CHORDC1: variants seen among roughly 807,000 people sequenced by gnomAD.
The protein encoded by CHORDC1 is cysteine and histidine rich domain containing 1.
CHORDC1 carries 25 observed loss-of-function variants against 48.3 expected under a neutral mutation model. The observed-to-expected ratio is 0.52, with a 90% CI of 0.38 to 0.72. The LOEUF is 0.72. CHORDC1 is among the 30% of genes least tolerant of loss of function. CHORDC1 has a pLI of 0.00. For synonymous variants in CHORDC1, 128 were observed against 126.4 expected (o/e 1.01, Z -0.09); for missense variants, 317 against 388.7 (o/e 0.82, Z 1.55).
intron 1 of CHORDC1, 23 bp downstream of exon 1, chr11:90,222,868 G>C: frequency 6.2e-7 from 1 of 1,609,808 alleles, no homozygotes; most frequent in Non-Finnish European, 8.5e-7. Flanking sequence ...GGGGAGGGAG[G>C]GCTGGCGGCG....
rs1192707119 is a variant in CHORDC1 at position 90,203,543 on chromosome 11, T to C, written c.670-116A>G. The C allele has an allele frequency of 1.2e-5, 11 of 884,490 alleles. No homozygotes were observed. In the Admixed American group the frequency reaches 1.4e-4, roughly 11 times the overall value. 54.8% of individuals were successfully genotyped at this position (884,490 alleles called of 1,614,324 possible). A position where few individuals can be genotyped will look rare whatever the true frequency, so the allele number is the denominator to read the frequency against. ...CCATGCACAACAACTAAGCACTTAA[T>C]GTTTAAGGGCAAAAAACTTCTATAT... On this transcript the variant is annotated intron_variant, in intron 8 of 10. Coordinates refer to ENST00000320585, the MANE Select transcript of CHORDC1 (RefSeq NM_012124.3).
At chr11:90,204,951 C>T (rs1229911393) in intron 8 of CHORDC1, among the ~76,000 whole-genome samples, 1 of 151,576 alleles carries the variant, frequency 6.6e-6, no homozygotes, top group African/African-American at 2.4e-5. Context: ...CTTTTTTCCC[C>T]CCTTTTGATA....
At chr11:90,204,102 T>C (rs1857608639) in intron 8 of CHORDC1, among the ~76,000 whole-genome samples, 1 of 152,166 alleles carries the variant, frequency 6.6e-6, no homozygotes, top group Admixed American at 6.5e-5. Flanking sequence ...TAAAAGGTAC[T>C]ATTTTCGTTT....
chr11:90,208,975 A>G (rs752854817), intron 6 of CHORDC1: 7 of 152,172 alleles, frequency 4.6e-5, no homozygotes, highest in Admixed American at 2.0e-4. Context: ...GTACCATTAC[A>G]TAATTTTCTC....
chr11:90,219,674 G>C (rs763005209), intron 1 of CHORDC1, among the ~76,000 whole-genome samples: 2 of 152,142 alleles, frequency 1.3e-5, no homozygotes, highest in African/African-American at 4.8e-5. Context: ...TTTATTTCCC[G>C]TAAGGAATAC....
At position 90,210,605 on chromosome 11, in the gene CHORDC1, GA is replaced by G. The variant is rs535554925; in HGVS notation, c.434-12del. 1.3e-4 allele frequency: 187 copies of G among 1,490,098 alleles called. No homozygotes were observed. In the East Asian group the frequency reaches 2.0e-3, roughly 16 times the overall value. The allele number at this position is 1,490,098 out of a possible 1,614,324, so 92.3% of individuals were successfully genotyped here. ...CATCATTGTCTTCTTCTGTAACAAA[GA>G]AAAAAAAATCAAATTAAAAAGTTAA... On this transcript the variant is annotated splice_polypyrimidine_tract_variant and intron_variant, in intron 5 of 10. Transcript: ENST00000320585.
chr11:90,213,986 G>A (rs1477843691), intron 4 of CHORDC1, 32 bp downstream of exon 4: 2 of 1,555,378 alleles, frequency 1.3e-6, no homozygotes, highest in Non-Finnish European at 8.7e-7. Context: ...CTATTCAAGT[G>A]TGACAAAAAT....
At chr11:90,213,973 C>A in intron 4 of CHORDC1, 45 bp downstream of exon 4, 1 of 1,467,112 alleles carries the variant, frequency 6.8e-7, no homozygotes, top group South Asian at 1.3e-5. Flanking sequence ...TGCACAAGTG[C>A]TACTATTCAA....
chr11:90,214,872 G>A (rs1565171658), intron 3 of CHORDC1, among the ~76,000 whole-genome samples: 3 of 151,942 alleles, frequency 2.0e-5, no homozygotes, highest in South Asian at 2.1e-4. Context: ...AAACTTTATC[G>A]TTCCTAACTG....
intron 1 of CHORDC1, among the ~76,000 whole-genome samples, chr11:90,221,055 A>C (rs11018924): frequency 2.4e-4 from 36 of 151,936 alleles, no homozygotes; most frequent in African/African-American, 8.4e-4. Flanking sequence ...TCATGAGACT[A>C]TAAGTCAACG....
intron 1 of CHORDC1, among the ~76,000 whole-genome samples, chr11:90,219,375 A>G (rs1171363061): frequency 1.3e-5 from 2 of 152,174 alleles, no homozygotes; most frequent in Non-Finnish European, 2.9e-5. Flanking sequence ...TACTTCTCTT[A>G]TGTAAATGGG....
chr11:90,215,718 C>A (rs754928430), intron 2 of CHORDC1, among the ~76,000 whole-genome samples: 1 of 151,860 alleles, frequency 6.6e-6, no homozygotes, highest in Non-Finnish European at 1.5e-5. Context: ...CACTATTAAG[C>A]CTTTGAAGGT....
intron 8 of CHORDC1, 134 bp from the exon 9 acceptor site, chr11:90,203,561 T>C (rs1451503783): frequency 1.6e-6 from 1 of 636,510 alleles, no homozygotes; most frequent in Non-Finnish European, 2.5e-6. Context: ...GGCAAAAAAC[T>C]TCTATATTTC....
Position 90,206,707 on chromosome 11 carries a change from GT to G in CHORDC1, c.493-436del, listed in dbSNP as rs1383328150. ...CAATTCTGGAAGTTCTAGAGTGATGGTGATTTCTTATCCCTATAAAGGGTAA... is the reference window on the plus strand; with the variant it reads ...CAATTCTGGAAGTTCTAGAGTGATGGGATTTCTTATCCCTATAAAGGGTAA... On this transcript the variant is annotated intron_variant, in intron 6 of 10. Coordinates refer to ENST00000320585, the MANE Select transcript of CHORDC1 (RefSeq NM_012124.3). 8.4e-6 allele frequency: 8 copies of G among 950,564 alleles called. No homozygotes were observed. The South Asian group carries it at 8.6e-5, about 10-fold the overall frequency. 58.9% of individuals were successfully genotyped at this position (950,564 alleles called of 1,614,324 possible). A position where few individuals can be genotyped will look rare whatever the true frequency, so the allele number is the denominator to read the frequency against.
At chr11:90,216,787 T>G (rs118120064) in intron 2 of CHORDC1, among the ~76,000 whole-genome samples, 2 of 152,110 alleles carry the variant, frequency 1.3e-5, no homozygotes, top group Admixed American at 1.3e-4. Context: ...AGAAACTGGT[T>G]TGATGTTGCC....
chr11:90,202,718 A>C (rs1857572456), intron 10 of CHORDC1, 95 bp downstream of exon 10: 1 of 1,432,250 alleles, frequency 7.0e-7, no homozygotes, highest in African/African-American at 1.4e-5. Context: ...TTATACATCT[A>C]TACTTTGCAT....
intron 1 of CHORDC1, among the ~76,000 whole-genome samples, chr11:90,222,226 T>G (rs1251002147): frequency 1.3e-5 from 2 of 151,988 alleles, no homozygotes; most frequent in African/African-American, 4.8e-5. Context: ...TATACGGGAG[T>G]AGGCATGGTA....
rs1471179966 is a variant in CHORDC1, at chr11:90,223,003, G to A, written c.-49C>T. The A allele has an allele frequency of 6.5e-7, 1 of 1,529,062 alleles. No homozygotes were observed. Among genetic ancestry groups the A allele is most frequent in the African/African-American group, 1.4e-5 (1 of 73,112 alleles). 94.7% of individuals were successfully genotyped at this position (1,529,062 alleles called of 1,614,324 possible). A position where few individuals can be genotyped will look rare whatever the true frequency, so the allele number is the denominator to read the frequency against. On this transcript the variant is annotated 5_prime_UTR_variant, in exon 1 of 11. Coordinates refer to ENST00000320585, the MANE Select transcript of CHORDC1 (RefSeq NM_012124.3). ...AAGGCCCAAACACCGGGAACGGCAA[G>A]AGGATGCGTTTGCCACTCCCGTGTC...
intron 1 of CHORDC1, among the ~76,000 whole-genome samples, chr11:90,218,843 G>A (rs1243916072): frequency 2.0e-5 from 3 of 152,124 alleles, no homozygotes; most frequent in African/African-American, 7.2e-5. Flanking sequence ...GGAAAGTGAG[G>A]AGCACCTCTG....
Sources: allele counts gnomAD v4.1 joint callset (sites outside exome capture counted in the v4.1 genomes callset), GRCh38; gene constraint gnomAD v4.1.1; transcripts MANE v1.5; gene names NCBI Gene and HGNC (gene_info 2026-07-23, HGNC 2026-07-21).